DSCAM: variants seen among roughly 807,000 people sequenced by gnomAD.
The protein encoded by DSCAM is cell adhesion molecule DSCAM.
DSCAM carries 47 observed loss-of-function variants against 217.7 expected under a neutral mutation model. The ratio of observed to expected loss-of-function variants is 0.22; its 90% CI spans 0.17 to 0.28. The LOEUF (loss-of-function observed/expected upper bound fraction) is 0.28. Among genes scored for constraint, DSCAM ranks in the 10% least tolerant of loss-of-function variants. DSCAM has a pLI of 1.00. For missense variants in DSCAM, 2,080 were observed against 2,618.3 expected (o/e 0.79, Z 4.49); for synonymous variants, 1,056 against 1,015.3 (o/e 1.04, Z -0.76).
intron 3 of DSCAM, among the ~76,000 whole-genome samples, chr21:40,526,415 A>T (rs1400838258): frequency 6.6e-6 from 1 of 152,126 alleles, no homozygotes; most frequent in East Asian, 1.9e-4. Flanking sequence ...TTCAGGGAGA[A>T]GGGGGTGAAG....
chr21:40,523,750 G>A (rs1022456873), intron 3 of DSCAM, among the ~76,000 whole-genome samples: 2 of 152,004 alleles, frequency 1.3e-5, no homozygotes, highest in African/African-American at 2.4e-5. Flanking sequence ...GATCTGATAC[G>A]CACAAGCCAC....
chr21:40,027,184 TAAG>T (rs1278276934), intron 32 of DSCAM, among the ~76,000 whole-genome samples: 1 of 152,280 alleles, frequency 6.6e-6, no homozygotes, highest in African/African-American at 2.4e-5. Flanking sequence ...TTCTTTTCTT[TAAG>T]AATGTTGAAT....
chr21:40,405,707 T>C (rs1305508435), intron 3 of DSCAM, among the ~76,000 whole-genome samples: 4 of 152,112 alleles, frequency 2.6e-5, no homozygotes, highest in Non-Finnish European at 5.9e-5. Context: ...TTATAAAAGA[T>C]GATATATAGC....
intron 11 of DSCAM, among the ~76,000 whole-genome samples, chr21:40,233,949 G>A (rs544542910): frequency 1.8e-4 from 27 of 152,178 alleles, no homozygotes; most frequent in Admixed American, 1.6e-3. Context: ...GCCTCGCTTT[G>A]GCTGTTGAAT....
intron 1 of DSCAM, among the ~76,000 whole-genome samples, chr21:40,820,411 G>C (rs1422815612): frequency 6.6e-6 from 1 of 152,132 alleles, no homozygotes; most frequent in African/African-American, 2.4e-5. Context: ...GTTGAACAAT[G>C]AGAACACATG....
intron 20 of DSCAM, among the ~76,000 whole-genome samples, chr21:40,119,203 T>C (rs529608210): frequency 2.0e-5 from 3 of 152,182 alleles, no homozygotes; most frequent in Non-Finnish European, 4.4e-5. Context: ...TCTTGATTGA[T>C]GTGATTCAGA....
intron 1 of DSCAM, among the ~76,000 whole-genome samples, chr21:40,790,031 T>C (rs1012036671): frequency 1.3e-5 from 2 of 152,164 alleles, no homozygotes; most frequent in African/African-American, 4.8e-5. Context: ...TAACTAGGGC[T>C]GAGTCTTCTC....
intron 16 of DSCAM, among the ~76,000 whole-genome samples, chr21:40,157,697 CT>C (rs3069725): frequency 1.7e-3 from 255 of 146,812 alleles, no homozygotes; most frequent in African/African-American, 4.5e-3. Flanking sequence ...TTTCTTTTTT[CT>C]TTTTTTTTTT....
At chr21:40,174,943 G>A (rs564312683) in intron 15 of DSCAM, among the ~76,000 whole-genome samples, 1 of 152,140 alleles carries the variant, frequency 6.6e-6, no homozygotes, top group Non-Finnish European at 1.5e-5. Flanking sequence ...GGTCACTGGA[G>A]CTCTGATGGG....
At chr21:40,056,709 T>A (rs2089030996) in intron 28 of DSCAM, among the ~76,000 whole-genome samples, 1 of 152,228 alleles carries the variant, frequency 6.6e-6, no homozygotes, top group African/African-American at 2.4e-5. Flanking sequence ...AGCAGTCACT[T>A]GGATAATCCA....
At chr21:40,473,131 A>C (rs2075903411) in intron 3 of DSCAM, among the ~76,000 whole-genome samples, 1 of 152,230 alleles carries the variant, frequency 6.6e-6, no homozygotes, top group Admixed American at 6.5e-5. Flanking sequence ...ATGGCAACTC[A>C]GTTTACCTGC....
At chr21:40,726,778 A>C (rs1267283639) in intron 1 of DSCAM, among the ~76,000 whole-genome samples, 3 of 152,178 alleles carry the variant, frequency 2.0e-5, no homozygotes, top group Non-Finnish European at 2.9e-5. Flanking sequence ...TGAGGGGTAG[A>C]GCCTTTAAGA....
chr21:40,755,992 T>C (rs2091271881), intron 1 of DSCAM, among the ~76,000 whole-genome samples: 1 of 152,246 alleles, frequency 6.6e-6, no homozygotes, highest in Non-Finnish European at 1.5e-5. Flanking sequence ...ACTTATTTAG[T>C]AATTGCTTTA....
At chr21:40,422,012 C>G (rs1186210857) in intron 3 of DSCAM, among the ~76,000 whole-genome samples, 1 of 152,192 alleles carries the variant, frequency 6.6e-6, no homozygotes, top group African/African-American at 2.4e-5. Flanking sequence ...AAACTGAATG[C>G]CTCATTGACA....
rs139873413 is a variant in DSCAM at position 40,769,752 on chromosome 21, T to C, written c.44-60981A>G. On this transcript the variant is annotated intron_variant, in intron 1 of 32. Transcript: ENST00000400454. ...GCAAGAATCCTGCTTAGTTTGGCTATCCTGGGTATCTGATCACCCTAACTA... is the reference window on the plus strand; with the variant it reads ...GCAAGAATCCTGCTTAGTTTGGCTACCCTGGGTATCTGATCACCCTAACTA... 9.8e-5 allele frequency among the ~76,000 whole-genome samples: 15 copies of C among 152,312 alleles called. No homozygotes were observed. In the East Asian group the frequency reaches 2.9e-3, roughly 29 times the overall value.
At chr21:40,262,488 G>C (rs1355509463) in intron 11 of DSCAM, among the ~76,000 whole-genome samples, 1 of 152,054 alleles carries the variant, frequency 6.6e-6, no homozygotes, top group Non-Finnish European at 1.5e-5. Flanking sequence ...AATAATTATA[G>C]CAACAGAAAA....
intron 28 of DSCAM, among the ~76,000 whole-genome samples, chr21:40,057,715 A>C (rs1040475682): frequency 6.6e-6 from 1 of 152,076 alleles, no homozygotes; most frequent in African/African-American, 2.4e-5. Context: ...TCTGCGAACC[A>C]GGACAACCAA....
At chr21:40,541,874 A>G (rs924180266) in intron 3 of DSCAM, among the ~76,000 whole-genome samples, 2 of 152,204 alleles carry the variant, frequency 1.3e-5, no homozygotes, top group South Asian at 4.1e-4. Context: ...TTAAATTTCT[A>G]TTTGTTTTGG....
chr21:40,827,152 G>A (rs539610336), intron 1 of DSCAM, among the ~76,000 whole-genome samples: 231 of 152,222 alleles, frequency 1.5e-3, no homozygotes, highest in African/African-American at 5.4e-3. Context: ...AGAGTGAGGT[G>A]TGCACGGTCC....
Sources: allele counts gnomAD v4.1 joint callset (sites outside exome capture counted in the v4.1 genomes callset), GRCh38; gene constraint gnomAD v4.1.1; transcripts MANE v1.5; gene names NCBI Gene and HGNC (gene_info 2026-07-23, HGNC 2026-07-21).